Variants in PSMA5 observed in about 807,000 individuals in gnomAD.
PSMA5 encodes the protein proteasome subunit alpha type-5.
In PSMA5, 3 loss-of-function variants were observed where a neutral mutation model predicts 34.5. The observed-to-expected ratio is 0.09, with a 90% CI of 0.04 to 0.22. The LOEUF (loss-of-function observed/expected upper bound fraction) is 0.22. Ranked by LOEUF, PSMA5 falls within the 10% of genes least tolerant of loss-of-function variation. PSMA5 has a pLI of 1.00. For missense variants in PSMA5, 120 were observed against 286.1 expected (o/e 0.42, Z 4.19); for synonymous variants, 88 against 95.8 (o/e 0.92, Z 0.47).
Position 109,410,985 on chromosome 1 carries a change from T to C in PSMA5, c.561+26A>G, listed in dbSNP as rs115958826. ...AAATTATACCATGATAAAAAAATAG[T>C]AAGAGTTGTGAGAATACTTAATTAC... On this transcript the variant is annotated intron_variant, in intron 7 of 8. Transcript: ENST00000271308. The C allele has an allele frequency of 9.2e-4, 1,375 of 1,501,340 alleles. 14 individuals carry two copies. In the African/African-American group the frequency reaches 0.017, roughly 19 times the overall value. 93.0% of individuals were successfully genotyped at this position (1,501,340 alleles called of 1,614,324 possible).
At chr1:109,408,382 A>G (rs1653867377) in intron 8 of PSMA5, among the ~76,000 whole-genome samples, 1 of 152,166 alleles carries the variant, frequency 6.6e-6, no homozygotes, top group Non-Finnish European at 1.5e-5. Context: ...CTCTTCCAAG[A>G]AGCTTCCCTA....
chr1:109,420,998 T>C (rs1356496292), intron 2 of PSMA5, among the ~76,000 whole-genome samples: 1 of 121,942 alleles, frequency 8.2e-6, no homozygotes, highest in African/African-American at 3.3e-5. Flanking sequence ...TTGGGCAACA[T>C]AGCAAGACCA....
intron 2 of PSMA5, among the ~76,000 whole-genome samples, chr1:109,418,247 TTTA>T (rs1360887695): frequency 6.6e-6 from 1 of 152,082 alleles, no homozygotes; most frequent in Non-Finnish European, 1.5e-5. Flanking sequence ...CTAAATTTAT[TTTA>T]TTATCTCCTA....
intron 3 of PSMA5, 111 bp from the exon 4 acceptor site, chr1:109,413,246 C>T: frequency 2.1e-6 from 2 of 944,982 alleles, no homozygotes; most frequent in Non-Finnish European, 3.4e-6. Context: ...ATTCAGCTAT[C>T]CCATGGCATT....
intron 3 of PSMA5, chr1:109,414,992 T>G: frequency 2.5e-6 from 1 of 395,958 alleles, no homozygotes; most frequent in Non-Finnish European, 4.5e-6. Context: ...CCTTTGCATA[T>G]TTCAACAACC....
At position 109,401,456 on chromosome 1, in the gene PSMA5, T is replaced by C. The variant is rs7518013; in HGVS notation, c.*557A>G. The C allele has an allele frequency of 0.7, 106,354 of 151,996 alleles. 37,754 individuals carry two copies. The highest frequency in any genetic ancestry group is 0.96 in the East Asian group (4,963 of 5,178). 9.4% of individuals were successfully genotyped at this position (151,996 alleles called of 1,614,324 possible). On this transcript the variant is annotated 3_prime_UTR_variant, in exon 9 of 9. Coordinates refer to ENST00000271308, the MANE Select transcript of PSMA5 (RefSeq NM_002790.4). Reference sequence around the variant, plus strand: ...AAATACACGTTTGCTCCAGAAATTATAGGGCCGAAATGGATTTACAGTGCT... The same window carrying C: ...AAATACACGTTTGCTCCAGAAATTACAGGGCCGAAATGGATTTACAGTGCT...
intron 8 of PSMA5, among the ~76,000 whole-genome samples, chr1:109,407,502 G>T (rs1000989433): frequency 6.6e-6 from 1 of 152,042 alleles, no homozygotes; most frequent in Non-Finnish European, 1.5e-5. Context: ...CTAATCTTCT[G>T]TTCTTAACTA....
At chr1:109,409,898 A>C in intron 8 of PSMA5, 30 bp downstream of exon 8, 2 of 1,532,346 alleles carry the variant, frequency 1.3e-6, no homozygotes, top group Non-Finnish European at 8.9e-7. Flanking sequence ...AAAAAAACCG[A>C]AAAAAATCCA....
intron 1 of PSMA5, among the ~76,000 whole-genome samples, chr1:109,424,414 G>A (rs1654567262): frequency 6.6e-6 from 1 of 152,086 alleles, no homozygotes; most frequent in Non-Finnish European, 1.5e-5. Context: ...CCTGAGCTCA[G>A]GCAATCCTGC....
At chr1:109,402,814 T>TCCTG (rs1281163189) in intron 8 of PSMA5, among the ~76,000 whole-genome samples, 1 of 152,184 alleles carries the variant, frequency 6.6e-6, no homozygotes, top group East Asian at 1.9e-4. Context: ...CAAGCGATTC[T>TCCTG]CCTGCCTCAG....
At chr1:109,403,904 AT>A (rs1653644613) in intron 8 of PSMA5, among the ~76,000 whole-genome samples, 1 of 152,216 alleles carries the variant, frequency 6.6e-6, no homozygotes, top group Non-Finnish European at 1.5e-5. Context: ...TAAAAGATAT[AT>A]CTCTAATTAC....
At chr1:109,424,317 A>G (rs1165593788) in intron 1 of PSMA5, among the ~76,000 whole-genome samples, 1 of 151,744 alleles carries the variant, frequency 6.6e-6, no homozygotes, top group Non-Finnish European at 1.5e-5. Context: ...TTTTGGAGAC[A>G]AGGTCAGCGC....
chr1:109,426,253 G>C (rs1432441030), intron 1 of PSMA5, 49 bp downstream of exon 1: 2 of 1,610,344 alleles, frequency 1.2e-6, no homozygotes, highest in Non-Finnish European at 8.5e-7. Context: ...GCCAGGTCCC[G>C]GGCCTGCCCA....
intron 3 of PSMA5, chr1:109,414,959 T>G (rs1419355899): frequency 3.1e-6 from 1 of 320,266 alleles, no homozygotes; most frequent in African/African-American, 2.1e-5. Flanking sequence ...TCTTATAACT[T>G]GTAGTCACTT....
At chr1:109,418,676 C>T (rs769294082) in intron 2 of PSMA5, among the ~76,000 whole-genome samples, 1 of 152,036 alleles carries the variant, frequency 6.6e-6, no homozygotes, top group Non-Finnish European at 1.5e-5. Context: ...AACTCCTAGG[C>T]TCAAGTGATT....
intron 8 of PSMA5, 66 bp from the exon 9 acceptor site, chr1:109,402,156 CA>C: frequency 8.4e-7 from 1 of 1,191,752 alleles, no homozygotes; most frequent in South Asian, 1.3e-5. Flanking sequence ...CTACCATGGT[CA>C]GGAGAAGCTG....
At chr1:109,418,362 G>A (rs768790644) in intron 2 of PSMA5, among the ~76,000 whole-genome samples, 10 of 152,100 alleles carry the variant, frequency 6.6e-5, no homozygotes, top group Admixed American at 1.3e-4. Context: ...TGTTGCCCAC[G>A]ATGGAGTGCA....
Position 109,426,425 on chromosome 1 carries a change from C to G in PSMA5, c.-95G>C. ...CTCACCGGCAGCCAACTCACCCACA[C>G]GGCCGCAGTACTAAGGACCAACTGC... On this transcript the variant is annotated 5_prime_UTR_variant, in exon 1 of 9. Transcript: ENST00000271308. 2.7e-6 allele frequency: 4 copies of G among 1,496,626 alleles called. No homozygotes were observed. The highest frequency in any genetic ancestry group is 1.4e-5 in the African/African-American group (1 of 72,530). The allele number at this position is 1,496,626 out of a possible 1,614,324, so 92.7% of individuals were successfully genotyped here.
intron 3 of PSMA5, among the ~76,000 whole-genome samples, chr1:109,414,295 T>C (rs1431470431): frequency 1.3e-5 from 2 of 152,246 alleles, no homozygotes; most frequent in Non-Finnish European, 2.9e-5. Flanking sequence ...ATCACTTTCA[T>C]GGAATCCTTT....
Sources: allele counts gnomAD v4.1 joint callset (sites outside exome capture counted in the v4.1 genomes callset), GRCh38; gene constraint gnomAD v4.1.1; transcripts MANE v1.5; gene names NCBI Gene and HGNC (gene_info 2026-07-23, HGNC 2026-07-21).